The following PNPLA4 variants were observed in gnomAD, a reference collection of about 807,000 sequenced individuals.
PNPLA4 encodes patatin like domain 4, phospholipase and triacylglycerol lipase, also known as patatin-like phospholipase domain-containing protein 4.
PNPLA4 carries 15 observed loss-of-function variants against 18.3 expected under a neutral mutation model. The ratio of observed to expected loss-of-function variants is 0.82; its 90% CI spans 0.55 to 1.26. The LOEUF is 1.26. PNPLA4 is among the 50% of genes most tolerant of loss of function. The pLI is 0.00. For missense variants in PNPLA4, 229 were observed against 196.8 expected (o/e 1.16, Z -0.98); for synonymous variants, 88 against 85.6 (o/e 1.03, Z -0.16).
At chrX:7,903,249 T>C (rs1923596367) in intron 5 of PNPLA4, among the ~76,000 whole-genome samples, 1 of 109,017 alleles carries the variant, frequency 9.2e-6, no homozygotes, top group Admixed American at 1.0e-4. Context: ...TTTCTTCCAA[T>C]GTGTCTTTTT....
intron 4 of PNPLA4, among the ~76,000 whole-genome samples, chrX:7,918,128 C>G (rs1924101975): frequency 8.9e-6 from 1 of 111,931 alleles, no homozygotes; most frequent in Non-Finnish European, 1.9e-5. Context: ...CTCTCTTTCT[C>G]TCTGTCTCCC....
In PNPLA4 at chrX:7,927,289, T is replaced by C. The variant is rs1321265688; in HGVS notation, c.-17A>G. 8.8e-6 allele frequency: 1 copy of C among 113,104 alleles called. No individual in the cohort carries two copies. Among genetic ancestry groups the C allele is most frequent in the African/African-American group, 3.2e-5 (1 of 31,191 alleles). 9.3% of individuals were successfully genotyped at this position (113,104 alleles called of 1,213,427 possible). A position where few individuals can be genotyped will look rare whatever the true frequency, so the allele number is the denominator to read the frequency against. ...GCTGGGCCCCAGGGCTCCGTACCAA[T>C]GCAGCCCCGGGACACTTCCGTGTTG... On this transcript the variant is annotated 5_prime_UTR_variant, in exon 1 of 7. Coordinates refer to ENST00000381042, the MANE Select transcript of PNPLA4 (RefSeq NM_004650.3).
chrX:7,899,921 G>T lies in PNPLA4; in HGVS notation c.*765C>A, dbSNP rs1018332017. On this transcript the variant is annotated 3_prime_UTR_variant, in exon 7 of 7. Transcript: ENST00000381042. ...TGCCACACGTTGTGGGAGGGACCCA[G>T]TGGGAGGTAACTGAATCATGGAGGC... 2 of 111,776 alleles carry T rather than the reference G, an allele frequency of 1.8e-5. No individual in the cohort carries two copies. Among genetic ancestry groups the T allele is most frequent in the African/African-American group, 6.5e-5 (2 of 30,669 alleles). 9.2% of individuals were successfully genotyped at this position (111,776 alleles called of 1,213,427 possible).
At chrX:7,918,744 C>T (rs1263524082) in intron 4 of PNPLA4, among the ~76,000 whole-genome samples, 2 of 111,685 alleles carry the variant, frequency 1.8e-5, no homozygotes, top group African/African-American at 3.3e-5. Flanking sequence ...GGCACCACCT[C>T]AGACAACATT....
At chrX:7,901,816 C>T (rs185394853) in intron 6 of PNPLA4, among the ~76,000 whole-genome samples, 173 bp downstream of exon 6, 17 of 111,249 alleles carry the variant, frequency 1.5e-4, no homozygotes, top group Non-Finnish European at 3.2e-4. Flanking sequence ...AAAAATTAGC[C>T]CCGTTCCTAT....
chrX:7,921,567 A>G, intron 4 of PNPLA4, 146 bp downstream of exon 4: 1 of 536,281 alleles, frequency 1.9e-6, no homozygotes, highest in Non-Finnish European at 3.1e-6. Context: ...CTTTCATCAA[A>G]CAAGTAATTT....
chrX:7,913,717 G>C (rs1276024355), intron 4 of PNPLA4, among the ~76,000 whole-genome samples: 4 of 112,821 alleles, frequency 3.5e-5, no homozygotes, highest in Non-Finnish European at 5.6e-5. Context: ...TGACAGCAGA[G>C]CATTAAACCA....
Position 7,900,652 on chromosome X carries a change from A to C in PNPLA4, c.*34T>G. 9.8e-7 allele frequency: 1 copy of C among 1,021,880 alleles called. No individual in the cohort carries two copies. Among genetic ancestry groups the C allele is most frequent in the Non-Finnish European group, 1.3e-6 (1 of 751,100 alleles). 84.2% of individuals were successfully genotyped at this position (1,021,880 alleles called of 1,213,427 possible). The stretch of plus-strand genomic sequence containing the variant: ...TAGAAACTTCCATCAAAAACTATCT[A>C]AAACGTGTTTTGCATTATAAACTTT... On this transcript the variant is annotated 3_prime_UTR_variant, in exon 7 of 7. Coordinates refer to ENST00000381042, the MANE Select transcript of PNPLA4 (RefSeq NM_004650.3).
Position 7,902,002 on chromosome X carries a change from T to C in PNPLA4, c.617A>G (p.Lys206Arg). The change falls in exon 6 of 7, where the codon AAG (lysine) becomes AGG (arginine). Residue 206 changes from lysine to arginine, a missense_variant. Physicochemically the swap from Lys to Arg is conservative, Grantham distance 26. Coordinates refer to ENST00000381042, the MANE Select transcript of PNPLA4 (RefSeq NM_004650.3). ...ATAATTACTCACCATGATATCCTGC[T>C]TGGCGATATTAACATACAGATCTAG... is the stretch of plus-strand genomic sequence containing the variant. ...GQLDLYVNIA[K>R]QDIMLSLANL... The C allele has an allele frequency of 3.3e-6, 4 of 1,207,986 alleles. No individual in the cohort carries two copies. In the East Asian group the frequency reaches 1.2e-4, roughly 36 times the overall value.
chrX:7,919,989 C>T (rs1282799562), intron 4 of PNPLA4, among the ~76,000 whole-genome samples: 3 of 111,859 alleles, frequency 2.7e-5, no homozygotes, highest in Non-Finnish European at 5.6e-5. Context: ...GGCAGTGTGG[C>T]AGGTACTGGG....
In PNPLA4 at chrX:7,899,117, C is replaced by T. The variant is rs1228297223; in HGVS notation, c.*1569G>A. 5 of 105,927 alleles carry T rather than the reference C, an allele frequency of 4.7e-5. No individual in the cohort carries two copies. The highest frequency in any genetic ancestry group is 2.0e-4 in the African/African-American group (5 of 25,353). The allele number at this position is 105,927 out of a possible 1,213,427, so 8.7% of individuals were successfully genotyped here. ...TTGCTAGAGTAGGAGAAAGTATATA[C>T]CACAGGGACCATCATTACTCTAGAG... On this transcript the variant is annotated 3_prime_UTR_variant, in exon 7 of 7. Coordinates refer to ENST00000381042, the MANE Select transcript of PNPLA4 (RefSeq NM_004650.3).
At chrX:7,907,897 T>G (rs1366375331) in intron 5 of PNPLA4, among the ~76,000 whole-genome samples, 1 of 107,175 alleles carries the variant, frequency 9.3e-6, no homozygotes, top group Non-Finnish European at 1.9e-5. Context: ...AATTTTTGTT[T>G]TTTTTTTTTT....
chrX:7,913,081 C>T (rs1691307335), intron 4 of PNPLA4, among the ~76,000 whole-genome samples: 1 of 111,968 alleles, frequency 8.9e-6, no homozygotes, highest in Admixed American at 9.5e-5. Flanking sequence ...ATAACAATTT[C>T]CATAGGAAAA....
chrX:7,903,666 A>G (rs1338823447), intron 5 of PNPLA4, among the ~76,000 whole-genome samples: 2 of 111,620 alleles, frequency 1.8e-5, no homozygotes, highest in Non-Finnish European at 3.8e-5. Context: ...GGCTCTGGAC[A>G]GCCACAAACT....
chrX:7,916,826 C>T (rs750267471), intron 4 of PNPLA4, among the ~76,000 whole-genome samples: 20 of 111,803 alleles, frequency 1.8e-4, no homozygotes, highest in Admixed American at 6.6e-4. Flanking sequence ...ATCTCTCAGA[C>T]GGGAAATAAA....
At chrX:7,922,156 C>T in intron 2 of PNPLA4, 58 bp from the exon 3 acceptor site, 1 of 861,051 alleles carries the variant, frequency 1.2e-6, no homozygotes, top group Non-Finnish European at 1.7e-6. Context: ...AATCATTCCA[C>T]TTCTAAAACT....
At chrX:7,902,902 CCAAA>C (rs1238232984) in intron 5 of PNPLA4, among the ~76,000 whole-genome samples, 1 of 111,922 alleles carries the variant, frequency 8.9e-6, no homozygotes, top group Non-Finnish European at 1.9e-5. Context: ...TATTCCAAGG[CCAAA>C]CAGTCTCAAT....
chrX:7,909,130 G>T (rs1923795489), intron 5 of PNPLA4, among the ~76,000 whole-genome samples: 4 of 111,891 alleles, frequency 3.6e-5, no homozygotes, highest in African/African-American at 9.8e-5. Flanking sequence ...ACTATCTTGG[G>T]GAAGTTGACC....
At chrX:7,918,861 T>C (rs759013926) in intron 4 of PNPLA4, among the ~76,000 whole-genome samples, 2 of 112,027 alleles carry the variant, frequency 1.8e-5, no homozygotes, top group African/African-American at 6.5e-5. Context: ...TGCTACATCA[T>C]CCCTAGTCTT....
Sources: gnomAD v4.1 joint callset for allele counts (sites outside exome capture counted in the v4.1 genomes callset) on GRCh38, gnomAD v4.1.1 for gene constraint, MANE v1.5 for transcripts, NCBI Gene and HGNC (gene_info 2026-07-23, HGNC 2026-07-21) for gene names.